Variants in MAGI1 observed in about 807,000 individuals in gnomAD.
MAGI1 encodes membrane associated guanylate kinase, WW and PDZ domain containing 1.
MAGI1 carries 58 observed loss-of-function variants against 139.9 expected under a neutral mutation model. The observed-to-expected ratio is 0.41, with a 90% CI of 0.34 to 0.52. The LOEUF is 0.52. MAGI1 is among the 20% of genes least tolerant of loss of function. The pLI is 0.12. For missense variants in MAGI1, 1,874 were observed against 1,901.6 expected, an observed-to-expected ratio of 0.99 and a Z score of 0.27; for synonymous variants, 812 against 737.9, an observed-to-expected ratio of 1.10 and a Z score of -1.63.
chr3:65,770,927 G>A (rs1337576389), intron 1 of MAGI1, among the ~76,000 whole-genome samples: 4 of 151,834 alleles, frequency 2.6e-5, no homozygotes, highest in Non-Finnish European at 5.9e-5. Flanking sequence ...TCCTAACCTC[G>A]TGATCCACCC....
chr3:65,948,701 A>G (rs1364821439), intron 1 of MAGI1, among the ~76,000 whole-genome samples: 4 of 152,194 alleles, frequency 2.6e-5, no homozygotes, highest in Middle Eastern at 3.2e-3. Flanking sequence ...AAAACAAATC[A>G]CTAAGTCTCA....
At chr3:65,505,451 C>T (rs1443327880) in intron 2 of MAGI1, among the ~76,000 whole-genome samples, 1 of 151,034 alleles carries the variant, frequency 6.6e-6, no homozygotes, top group South Asian at 2.1e-4. Context: ...TCAAGACCAG[C>T]CTATGCAAAT....
At chr3:65,752,456 T>C (rs898120260) in intron 1 of MAGI1, among the ~76,000 whole-genome samples, 1 of 152,252 alleles carries the variant, frequency 6.6e-6, no homozygotes, top group African/African-American at 2.4e-5. Flanking sequence ...TGTAATTTAA[T>C]GTCAAAATTA....
At chr3:65,536,511 T>C (rs922303947) in intron 2 of MAGI1, among the ~76,000 whole-genome samples, 1 of 152,178 alleles carries the variant, frequency 6.6e-6, no homozygotes, top group East Asian at 1.9e-4. Flanking sequence ...TTCCAGGGTC[T>C]TTTCAAAGGA....
chr3:65,766,891 A>C (rs1230057417), intron 1 of MAGI1, among the ~76,000 whole-genome samples: 1 of 152,146 alleles, frequency 6.6e-6, no homozygotes, highest in Non-Finnish European at 1.5e-5. Flanking sequence ...TCCATCTCAA[A>C]TAGTAATAAT....
At chr3:65,979,288 A>G (rs2065443471) in intron 1 of MAGI1, among the ~76,000 whole-genome samples, 1 of 152,090 alleles carries the variant, frequency 6.6e-6, no homozygotes, top group Non-Finnish European at 1.5e-5. Context: ...AAATGATCAC[A>G]TTCCCGGGGT....
intron 1 of MAGI1, among the ~76,000 whole-genome samples, chr3:65,815,937 A>C (rs1349181191): frequency 6.6e-6 from 1 of 152,216 alleles, no homozygotes. Context: ...CCTCTCTCTA[A>C]GCAGAATTCA....
chr3:65,894,995 A>C (rs575657541), intron 1 of MAGI1, among the ~76,000 whole-genome samples: 2 of 152,326 alleles, frequency 1.3e-5, no homozygotes, highest in African/African-American at 4.8e-5. Context: ...GCATTTCCAA[A>C]CAGGACTGAA....
chr3:65,699,320 G>A (rs529540289), intron 1 of MAGI1, among the ~76,000 whole-genome samples: 47 of 144,150 alleles, frequency 3.3e-4, no homozygotes, highest in South Asian at 2.5e-3. Flanking sequence ...TCAGTGTGGC[G>A]ATTCCTCAGG....
chr3:65,913,161 T>G (rs2061743469), intron 1 of MAGI1, among the ~76,000 whole-genome samples: 1 of 152,016 alleles, frequency 6.6e-6, no homozygotes, highest in South Asian at 2.1e-4. Context: ...CTCAGCAGGC[T>G]GAGGCACAGG....
At position 65,610,191 on chromosome 3, in the gene MAGI1, G is replaced by C. The variant is rs367669748; in HGVS notation, c.430+11781C>G. Among the ~76,000 whole-genome samples, 43 of 152,252 alleles carry C rather than the reference G, an allele frequency of 2.8e-4. No homozygotes were observed. The East Asian group carries it at 4.1e-3, about 14-fold the overall frequency. Reference sequence around the variant, plus strand: ...ACAGCATCCTTGACTCAAGTGGATTGGAATGGGGTATCTAATTCTGAAGCA... The same window carrying C: ...ACAGCATCCTTGACTCAAGTGGATTCGAATGGGGTATCTAATTCTGAAGCA... On this transcript the variant is annotated intron_variant, in intron 2 of 22. Coordinates refer to ENST00000402939, the MANE Select transcript of MAGI1 (RefSeq NM_001033057.2).
At chr3:65,455,530 G>A (rs905049556) in intron 5 of MAGI1, among the ~76,000 whole-genome samples, 1 of 152,094 alleles carries the variant, frequency 6.6e-6, no homozygotes, top group Non-Finnish European at 1.5e-5. Context: ...GGACAATGTG[G>A]TGAAATGCCA....
intron 12 of MAGI1, among the ~76,000 whole-genome samples, chr3:65,426,989 A>T (rs1029452749): frequency 1.3e-5 from 2 of 152,224 alleles, no homozygotes; most frequent in Non-Finnish European, 2.9e-5. Flanking sequence ...GGCATTGGGA[A>T]TTAAGAAGAG....
At chr3:65,655,457 A>G (rs2085821639) in intron 1 of MAGI1, among the ~76,000 whole-genome samples, 1 of 152,164 alleles carries the variant, frequency 6.6e-6, no homozygotes, top group African/African-American at 2.4e-5. Context: ...CAAAATAAAG[A>G]GCTCTTCTGT....
intron 2 of MAGI1, among the ~76,000 whole-genome samples, chr3:65,512,428 AAG>A (rs1286896216): frequency 6.8e-6 from 1 of 147,292 alleles, no homozygotes; most frequent in Admixed American, 6.8e-5. Flanking sequence ...TAAAGAAAAA[AAG>A]AGAGAAGAAT....
At chr3:65,722,001 C>G (rs189480768) in intron 1 of MAGI1, among the ~76,000 whole-genome samples, 1 of 152,072 alleles carries the variant, frequency 6.6e-6, no homozygotes, top group African/African-American at 2.4e-5. Flanking sequence ...TCTGCCCTTA[C>G]AAGTCTTGCT....
At chr3:65,970,298 T>C (rs182729568) in intron 1 of MAGI1, among the ~76,000 whole-genome samples, 14 of 152,264 alleles carry the variant, frequency 9.2e-5, no homozygotes, top group Non-Finnish European at 1.6e-4. Flanking sequence ...ATTAAATTCA[T>C]AGAGCTAGAA....
chr3:65,575,008 A>G (rs2081119632), intron 2 of MAGI1, among the ~76,000 whole-genome samples: 1 of 152,128 alleles, frequency 6.6e-6, no homozygotes, highest in African/African-American at 2.4e-5. Context: ...AGGTTAAGTA[A>G]AAACAGATAT....
At chr3:65,463,900 T>C (rs1949993831) in intron 5 of MAGI1, among the ~76,000 whole-genome samples, 2 of 145,456 alleles carry the variant, frequency 1.4e-5, no homozygotes, top group Non-Finnish European at 3.1e-5. Flanking sequence ...CTAGATTTTC[T>C]AGTTTATTTG....
Sources: allele counts gnomAD v4.1 joint callset (sites outside exome capture counted in the v4.1 genomes callset), GRCh38; gene constraint gnomAD v4.1.1; transcripts MANE v1.5; gene names NCBI Gene and HGNC (gene_info 2026-07-23, HGNC 2026-07-21).